Variants in PCDH9 observed in about 807,000 individuals in gnomAD.
PCDH9 encodes protocadherin 9.
PCDH9 carries 24 observed loss-of-function variants against 70.6 expected under a neutral mutation model. The observed-to-expected ratio is 0.34, with a 90% CI of 0.25 to 0.48. PCDH9 has a LOEUF of 0.48. Ranked by LOEUF, PCDH9 falls within the 20% of genes least tolerant of loss-of-function variation. The pLI is 0.99. For synonymous variants in PCDH9, 562 were observed against 558.5 expected, an observed-to-expected ratio of 1.01 and a Z score of -0.09; for missense variants, 1,281 against 1,503.6, an observed-to-expected ratio of 0.85 and a Z score of 2.45.
chr13:66,605,193 A>G (rs2138855626), intron 4 of PCDH9, among the ~76,000 whole-genome samples: 1 of 152,212 alleles, frequency 6.6e-6, no homozygotes, highest in South Asian at 2.1e-4. Flanking sequence ...TTCTTTTGTA[A>G]TAGTTTCTAA....
chr13:67,138,539 A>G (rs1206385814), intron 2 of PCDH9, among the ~76,000 whole-genome samples: 1 of 152,144 alleles, frequency 6.6e-6, no homozygotes, highest in Admixed American at 6.5e-5. Flanking sequence ...AGGCCAAGTG[A>G]ACGACTTTGT....
chr13:66,559,799 C>CAAAAA (rs71205593), intron 4 of PCDH9, among the ~76,000 whole-genome samples: 110 of 10,240 alleles, frequency 0.011, 9 homozygotes, highest in East Asian at 0.026. Flanking sequence ...GACTCCATCT[C>CAAAAA]AAAAAAAAAA....
chr13:66,594,289 C>T (rs374233245), intron 4 of PCDH9, among the ~76,000 whole-genome samples: 4 of 151,668 alleles, frequency 2.6e-5, no homozygotes, highest in African/African-American at 9.6e-5. Flanking sequence ...AGAAAACCTC[C>T]AGCCATGGCC....
chr13:66,413,693 TAAATAAAATA>T (rs890562102), intron 4 of PCDH9, among the ~76,000 whole-genome samples: 10 of 151,512 alleles, frequency 6.6e-5, no homozygotes, highest in African/African-American at 1.5e-4. Context: ...CTTAAAAAAA[TAAATAAAATA>T]AAATAAAATA....
chr13:67,170,419 A>G (rs1024453542), intron 2 of PCDH9, among the ~76,000 whole-genome samples: 1 of 152,234 alleles, frequency 6.6e-6, no homozygotes, highest in Admixed American at 6.5e-5. Context: ...AGTAAACTCT[A>G]TGGTAAAAGG....
chr13:67,211,721 T>C (rs1460516088), intron 2 of PCDH9: 3 of 152,082 alleles, frequency 2.0e-5, no homozygotes, highest in Admixed American at 6.6e-5. Flanking sequence ...GTTTATATCA[T>C]TGCATTGGTT....
chr13:66,327,486 CT>C (rs1955868381), intron 4 of PCDH9, among the ~76,000 whole-genome samples: 1 of 152,102 alleles, frequency 6.6e-6, no homozygotes, highest in Non-Finnish European at 1.5e-5. Flanking sequence ...TGTGTCTTCC[CT>C]TTTTCCTACA....
At chr13:66,785,740 C>T (rs2080069358) in intron 3 of PCDH9, among the ~76,000 whole-genome samples, 1 of 151,982 alleles carries the variant, frequency 6.6e-6, no homozygotes. Flanking sequence ...CACTCTTTCA[C>T]CATTTTCCCC....
At chr13:66,954,714 G>A (rs1368916820) in intron 2 of PCDH9, among the ~76,000 whole-genome samples, 1 of 152,144 alleles carries the variant, frequency 6.6e-6, no homozygotes, top group Non-Finnish European at 1.5e-5. Flanking sequence ...CACAGACCAA[G>A]AATAGGGGCC....
chr13:66,388,082 G>T (rs533435683), intron 4 of PCDH9, among the ~76,000 whole-genome samples: 1 of 152,224 alleles, frequency 6.6e-6, no homozygotes, highest in Admixed American at 6.5e-5. Flanking sequence ...TTTTCAATGA[G>T]TATTCTATCA....
rs146989835 is a variant in PCDH9, at chr13:66,623,177, C to G, written c.3340+8033G>C. Among the ~76,000 whole-genome samples, 639 of 152,362 alleles carry G rather than the reference C, an allele frequency of 4.2e-3. 20 individuals carry two copies. The East Asian group carries it at 0.081, about 19-fold the overall frequency. On this transcript the variant is annotated intron_variant, in intron 4 of 4. Transcript: ENST00000377865. ...TCATTCTTGAAGTCAGTCAGACCAA[C>G]AACCCACCAATTCCGGACACACTAT...
chr13:66,427,054 C>A (rs1369916264), intron 4 of PCDH9, among the ~76,000 whole-genome samples: 1 of 151,442 alleles, frequency 6.6e-6, no homozygotes, highest in Admixed American at 6.6e-5. Context: ...TCAGTGTCAA[C>A]CTCAGACAAT....
chr13:66,548,818 A>C (rs900998630), intron 4 of PCDH9, among the ~76,000 whole-genome samples: 4 of 151,980 alleles, frequency 2.6e-5, no homozygotes, highest in Non-Finnish European at 5.9e-5. Context: ...TTTAAGAAAC[A>C]CTCTCCCAGA....
At chr13:66,490,018 A>G (rs1463004975) in intron 4 of PCDH9, among the ~76,000 whole-genome samples, 1 of 152,238 alleles carries the variant, frequency 6.6e-6, no homozygotes, top group Non-Finnish European at 1.5e-5. Context: ...TCTAGGGTAC[A>G]TGTGCACAAC....
At chr13:66,953,893 C>T (rs912937608) in intron 2 of PCDH9, among the ~76,000 whole-genome samples, 2 of 152,130 alleles carry the variant, frequency 1.3e-5, no homozygotes, top group African/African-American at 4.8e-5. Flanking sequence ...TACCGGAAGA[C>T]GTAATAGTCA....
At chr13:66,557,432 T>G (rs1566414440) in intron 4 of PCDH9, among the ~76,000 whole-genome samples, 1 of 152,198 alleles carries the variant, frequency 6.6e-6, no homozygotes, top group Non-Finnish European at 1.5e-5. Flanking sequence ...CAAATTCATA[T>G]TTTGGAATTA....
At chr13:66,411,328 C>T (rs888846620) in intron 4 of PCDH9, among the ~76,000 whole-genome samples, 16 of 152,134 alleles carry the variant, frequency 1.1e-4, no homozygotes, top group Non-Finnish European at 2.2e-4. Context: ...GAAGAGTTGT[C>T]CAGGCTGGAG....
intron 2 of PCDH9, among the ~76,000 whole-genome samples, chr13:66,924,798 G>A (rs961116837): frequency 6.6e-6 from 1 of 151,712 alleles, no homozygotes; most frequent in Admixed American, 6.6e-5. Context: ...GAGTTAGAAT[G>A]TTTAGAATTT....
intron 2 of PCDH9, chr13:67,221,995 C>T (rs2325025): frequency 0.44 from 67,502 of 151,940 alleles, 16,231 homozygotes; most frequent in Middle Eastern, 0.57. Context: ...ATTTTCAGTC[C>T]TGACCTCAGT....
Sources: allele counts gnomAD v4.1 joint callset (sites outside exome capture counted in the v4.1 genomes callset), GRCh38; gene constraint gnomAD v4.1.1; transcripts MANE v1.5; gene names NCBI Gene and HGNC (gene_info 2026-07-23, HGNC 2026-07-21).